The following NDST3 variants were observed in gnomAD, a reference collection of about 807,000 sequenced individuals.
NDST3 encodes bifunctional heparan sulfate N-deacetylase/N-sulfotransferase 3.
A neutral mutation model predicts 96.1 loss-of-function variants in NDST3; 58 were observed. The ratio of observed to expected loss-of-function variants is 0.60; its 90% CI spans 0.49 to 0.75. The LOEUF (loss-of-function observed/expected upper bound fraction) is 0.75, where lower values mean the gene tolerates loss of function less well. Among genes scored for constraint, NDST3 ranks in the 30% least tolerant of loss-of-function variants. NDST3 has a pLI of 0.00. For synonymous variants in NDST3, 333 were observed against 359.7 expected (o/e 0.93, Z 0.84); for missense variants, 788 against 1,034.2 (o/e 0.76, Z 3.27).
At position 118,253,427 on chromosome 4, in the gene NDST3, G is replaced by A. The variant is rs1578880140; in HGVS notation, c.2400-72G>A. ...TATTGGTCACTATATCATATGTATTGGTCACCATATCATATAAATTGGTTG... is the reference window on the plus strand; with the variant it reads ...TATTGGTCACTATATCATATGTATTAGTCACCATATCATATAAATTGGTTG... On this transcript the variant is annotated intron_variant, in intron 12 of 13. Coordinates refer to ENST00000296499, the MANE Select transcript of NDST3 (RefSeq NM_004784.3). 4 of 919,024 alleles carry A rather than the reference G, an allele frequency of 4.4e-6. No homozygotes were observed. In the East Asian group the frequency reaches 9.7e-5, roughly 22 times the overall value. The allele number at this position is 919,024 out of a possible 1,614,324, so 56.9% of individuals were successfully genotyped here.
chr4:118,237,829 C>T (rs1263709750), intron 10 of NDST3, among the ~76,000 whole-genome samples: 1 of 152,060 alleles, frequency 6.6e-6, no homozygotes, highest in Non-Finnish European at 1.5e-5. Context: ...AATCTTTAGG[C>T]TGGGCGTGGT....
At chr4:118,098,066 G>T (rs527846740) in intron 2 of NDST3, among the ~76,000 whole-genome samples, 5 of 151,598 alleles carry the variant, frequency 3.3e-5, no homozygotes, top group Non-Finnish European at 5.9e-5. Context: ...TAAGTATTTA[G>T]CATTTTCATG....
chr4:118,126,577 T>C (rs535601622), intron 4 of NDST3, among the ~76,000 whole-genome samples: 10 of 150,624 alleles, frequency 6.6e-5, no homozygotes, highest in African/African-American at 2.5e-4. Flanking sequence ...TACCTCACTT[T>C]CTTTATCTAT....
intron 2 of NDST3, among the ~76,000 whole-genome samples, chr4:118,096,579 A>C (rs779428072): frequency 1.2e-3 from 185 of 151,860 alleles, no homozygotes; most frequent in Non-Finnish European, 2.1e-3. Context: ...ATATATATAA[A>C]AGATAGACGG....
At chr4:118,174,074 A>C (rs1736123490) in intron 6 of NDST3, among the ~76,000 whole-genome samples, 1 of 152,028 alleles carries the variant, frequency 6.6e-6, no homozygotes, top group Non-Finnish European at 1.5e-5. Flanking sequence ...TGTGGTTTAA[A>C]TTGAATGCTG....
Position 118,084,575 on chromosome 4 carries a change from GTTCTGTCATA to G in NDST3, c.982-20441_982-20432del, listed in dbSNP as rs1196579138. 1.4e-4 allele frequency among the ~76,000 whole-genome samples: 22 copies of G among 152,216 alleles called. No homozygotes were observed. In the East Asian group the frequency reaches 1.6e-3, roughly 11 times the overall value. On this transcript the variant is annotated intron_variant, in intron 2 of 13. Coordinates refer to ENST00000296499, the MANE Select transcript of NDST3 (RefSeq NM_004784.3). The stretch of plus-strand genomic sequence containing the variant: ...TTTGAGAAATGCAAGCATGACCTCT[GTTCTGTCATA>G]TGTTGGTTTTACAAGGGACATTACA...
chr4:118,101,422 G>A (rs569843243), intron 2 of NDST3, among the ~76,000 whole-genome samples: 1 of 149,118 alleles, frequency 6.7e-6, no homozygotes, highest in South Asian at 2.1e-4. Context: ...AATTTGGAAA[G>A]ATAATTTTGA....
rs67300451 is a variant in NDST3 at position 118,207,146 on chromosome 4, TACACACACACACACACAC to T, written c.1540-17317_1540-17300del. ...AAAATAAAAGAAAATTCTGGAAGAA[TACACACACACACACACAC>T]ACACACACACACACACACACACACA... is the stretch of plus-strand genomic sequence containing the variant. On this transcript the variant is annotated intron_variant, in intron 6 of 13. Coordinates refer to ENST00000296499, the MANE Select transcript of NDST3 (RefSeq NM_004784.3). Among the ~76,000 whole-genome samples, 96 of 128,816 alleles carry T rather than the reference TACACACACACACACACAC, an allele frequency of 7.5e-4. 10 individuals are homozygous for T. Among genetic ancestry groups the T allele is most frequent in the South Asian group, 1.6e-3 (6 of 3,652 alleles). The allele number at this position is 128,816 out of a possible 152,430, so 84.5% of individuals were successfully genotyped here.
At chr4:118,241,846 AG>A in intron 11 of NDST3, among the ~76,000 whole-genome samples, 193 bp from the exon 12 acceptor site, 1 of 152,216 alleles carries the variant, frequency 6.6e-6, no homozygotes, top group African/African-American at 2.4e-5. Context: ...TGCAAACCTG[AG>A]TGTACTTAAT....
intron 3 of NDST3, among the ~76,000 whole-genome samples, chr4:118,112,599 A>C (rs1578660420): frequency 6.6e-6 from 1 of 152,234 alleles, no homozygotes; most frequent in African/African-American, 2.4e-5. Flanking sequence ...CTTGGTTAGA[A>C]GCAGAGATGT....
intron 2 of NDST3, among the ~76,000 whole-genome samples, chr4:118,084,309 T>C (rs1728248393): frequency 6.6e-6 from 1 of 152,294 alleles, no homozygotes; most frequent in African/African-American, 2.4e-5. Context: ...TCTATATGTA[T>C]CCCATAACAT....
intron 3 of NDST3, among the ~76,000 whole-genome samples, chr4:118,110,464 TAGC>T (rs1332935722): frequency 6.6e-6 from 1 of 152,132 alleles, no homozygotes; most frequent in African/African-American, 2.4e-5. Context: ...AAAATGAAGT[TAGC>T]AGCAGCACTC....
chr4:118,118,937 C>G (rs545057914), intron 4 of NDST3, among the ~76,000 whole-genome samples: 6 of 152,050 alleles, frequency 3.9e-5, no homozygotes, highest in Non-Finnish European at 5.9e-5. Context: ...AGAACTGTAT[C>G]TAAATTTTGG....
At chr4:118,242,223 T>C in intron 12 of NDST3, 74 bp downstream of exon 12, 1 of 996,808 alleles carries the variant, frequency 1.0e-6, no homozygotes, top group South Asian at 1.5e-5. Flanking sequence ...AGTTTGGTCA[T>C]ACAACTGTCA....
At chr4:118,063,072 C>A (rs1038024560) in intron 2 of NDST3, among the ~76,000 whole-genome samples, 18 of 151,774 alleles carry the variant, frequency 1.2e-4, no homozygotes, top group Admixed American at 1.1e-3. Flanking sequence ...CTCCTGTAGT[C>A]CCAGCTACTC....
intron 6 of NDST3, among the ~76,000 whole-genome samples, chr4:118,184,264 T>A (rs2125955367): frequency 6.6e-6 from 1 of 152,272 alleles, no homozygotes; most frequent in South Asian, 2.1e-4. Flanking sequence ...CAGATATTTG[T>A]TCAAATATTA....
rs1326109190 is a variant in NDST3, at chr4:118,102,620, G to T, written c.982-2398G>T. Among the ~76,000 whole-genome samples the T allele has an allele frequency of 2.6e-5, 4 of 152,068 alleles. No individual in the cohort carries two copies. In the East Asian group the frequency reaches 7.7e-4, roughly 29 times the overall value. On this transcript the variant is annotated intron_variant, in intron 2 of 13. Coordinates refer to ENST00000296499, the MANE Select transcript of NDST3 (RefSeq NM_004784.3). ...TGAATAAAATCATTCTAGTAATGAAGGGTTTAGTGAAAAGGATATGACCTA... is the reference window on the plus strand; with the variant it reads ...TGAATAAAATCATTCTAGTAATGAATGGTTTAGTGAAAAGGATATGACCTA...
intron 6 of NDST3, among the ~76,000 whole-genome samples, chr4:118,205,641 A>C (rs965174669): frequency 6.9e-6 from 1 of 144,298 alleles, no homozygotes; most frequent in Non-Finnish European, 1.5e-5. Context: ...CTGCCAGATA[A>C]GTCAATGTAG....
At chr4:118,102,128 T>C (rs1729814244) in intron 2 of NDST3, among the ~76,000 whole-genome samples, 2 of 152,074 alleles carry the variant, frequency 1.3e-5, no homozygotes, top group African/African-American at 2.4e-5. Flanking sequence ...ACTTTATTAG[T>C]GATTTTAATT....
Sources: gnomAD v4.1 joint callset for allele counts (sites outside exome capture counted in the v4.1 genomes callset) on GRCh38, gnomAD v4.1.1 for gene constraint, MANE v1.5 for transcripts, NCBI Gene and HGNC (gene_info 2026-07-23, HGNC 2026-07-21) for gene names.